The following ZNF639 variants were observed in gnomAD, a reference collection of about 807,000 sequenced individuals.
ZNF639 encodes the protein zinc finger protein 639.
A neutral mutation model predicts 39.8 loss-of-function variants in ZNF639; 20 were observed. The ratio of observed to expected loss-of-function variants is 0.50; its 90% confidence interval spans 0.35 to 0.73. The LOEUF is 0.73. ZNF639 is among the 30% of genes least tolerant of loss of function. The pLI, the probability that ZNF639 is intolerant of heterozygous loss-of-function variation, is 0.00. For missense variants in ZNF639, 477 were observed against 566.2 expected (o/e 0.84, Z 1.60); for synonymous variants, 176 against 189.8 (o/e 0.93, Z 0.60).
intron 1 of ZNF639, among the ~76,000 whole-genome samples, chr3:179,324,176 A>G (rs1727448807): frequency 6.6e-6 from 1 of 152,246 alleles, no homozygotes; most frequent in Non-Finnish European, 1.5e-5. Context: ...TACTGTAAAG[A>G]CGTCTTACAG....
chr3:179,326,887 C>T (rs1727623838), intron 1 of ZNF639, among the ~76,000 whole-genome samples: 1 of 151,692 alleles, frequency 6.6e-6, no homozygotes, highest in African/African-American at 2.4e-5. Context: ...AGGGCTGTAA[C>T]AGTTTAAAGT....
intron 1 of ZNF639, among the ~76,000 whole-genome samples, chr3:179,327,209 A>C (rs891785004): frequency 6.6e-6 from 1 of 152,046 alleles, no homozygotes. Context: ...AAAGTTTATA[A>C]TTTGGTTTGC....
chr3:179,323,341 G>C (rs567090756), intron 1 of ZNF639, 50 bp downstream of exon 1: 1 of 985,790 alleles, frequency 1.0e-6, no homozygotes, highest in African/African-American at 1.7e-5. Context: ...TGCTCCAGGG[G>C]ACGCGGGCGT....
intron 2 of ZNF639, chr3:179,328,079 CAG>C (rs1727697553): frequency 7.6e-6 from 3 of 392,268 alleles, no homozygotes; most frequent in South Asian, 8.4e-5. Context: ...AGAAAGAAAA[CAG>C]AAATCAGTTT....
rs565896438 is a variant in ZNF639, at chr3:179,323,095, G to A, written c.-279G>A. ...AGTGCGGCCGCGGAGCCTAGGCCAG[G>A]GGCCTGGCGCTCAGGGCGTGGGGCG... On this transcript the variant is annotated 5_prime_UTR_variant, in exon 1 of 6. Transcript: ENST00000496856. The A allele has an allele frequency of 1.8e-3, 1,810 of 984,880 alleles. 4 individuals carry two copies. The highest frequency in any genetic ancestry group is 2.1e-3 in the Non-Finnish European group (1,743 of 829,970). 61.0% of individuals were successfully genotyped at this position (984,880 alleles called of 1,614,324 possible).
intron 1 of ZNF639, 131 bp downstream of exon 1, chr3:179,323,422 T>C (rs1476070419): frequency 2.0e-6 from 2 of 978,024 alleles, no homozygotes; most frequent in East Asian, 2.3e-4. Context: ...TCTGCCTTCG[T>C]TATATGGCGG....
At chr3:179,333,148 T>C (rs922768116) in intron 5 of ZNF639, 25 bp downstream of exon 5, 1 of 1,576,526 alleles carries the variant, frequency 6.3e-7, no homozygotes, top group Admixed American at 2.0e-5. Context: ...TTTATAGCAT[T>C]GATATATTTT....
chr3:179,325,548 C>A (rs777896872), intron 1 of ZNF639, among the ~76,000 whole-genome samples: 1 of 152,108 alleles, frequency 6.6e-6, no homozygotes, highest in Non-Finnish European at 1.5e-5. Context: ...CTCCATGTAC[C>A]GCACAGGACC....
chr3:179,332,361 G>A (rs1198478021), intron 4 of ZNF639, among the ~76,000 whole-genome samples: 1 of 152,184 alleles, frequency 6.6e-6, no homozygotes, highest in Non-Finnish European at 1.5e-5. Context: ...GGTGGCTCAC[G>A]CCTGTAATCC....
At position 179,333,350 on chromosome 3, in the gene ZNF639, C is replaced by T. The variant is rs557469419; in HGVS notation, c.386C>T (p.Pro129Leu). The T allele has an allele frequency of 6.2e-7, 1 of 1,613,980 alleles. No homozygotes were observed. Among genetic ancestry groups the T allele is most frequent in the African/African-American group, 1.3e-5 (1 of 74,990 alleles). Residue 129 changes from proline to leucine, a missense_variant, in exon 6 of 6, where the codon CCT becomes CTT. By Grantham distance (98) the Pro-to-Leu change is moderately conservative. Coordinates refer to ENST00000496856, the MANE Select transcript of ZNF639 (RefSeq NM_001303426.2). Reference protein sequence around the residue: ...SVNQQTQEESPIEVHTAEDVP... With the variant: ...SVNQQTQEESLIEVHTAEDVP... ...AACCAGCAAACCCAAGAGGAGAGTC[C>T]TATAGAAGTTCACACTGCTGAAGAT...
At chr3:179,330,677 G>A (rs193083088) in intron 4 of ZNF639, among the ~76,000 whole-genome samples, 1 of 152,298 alleles carries the variant, frequency 6.6e-6, no homozygotes, top group Admixed American at 6.5e-5. Context: ...AATAGTGTTA[G>A]ACACAGTTCT....
intron 1 of ZNF639, among the ~76,000 whole-genome samples, chr3:179,324,607 T>C (rs1307602096): frequency 6.6e-6 from 1 of 152,246 alleles, no homozygotes; most frequent in Non-Finnish European, 1.5e-5. Flanking sequence ...GCATCACCAT[T>C]GTGCTGAAAG....
chr3:179,337,990 C>T lies in ZNF639; in HGVS notation c.*3568C>T, dbSNP rs1162122631. The T allele has an allele frequency of 3.3e-5, 5 of 152,058 alleles. No individual in the cohort carries two copies. Among genetic ancestry groups the T allele is most frequent in the African/African-American group, 4.8e-5 (2 of 41,384 alleles). The allele number at this position is 152,058 out of a possible 1,614,324, so 9.4% of individuals were successfully genotyped here. A position where few individuals can be genotyped will look rare whatever the true frequency, so the allele number is the denominator to read the frequency against. ...CCATCTTGGCCAGGCTGGTCTTGAA[C>T]TCCTGACCTTGTGATCCACCCACTT... On this transcript the variant is annotated 3_prime_UTR_variant, in exon 6 of 6. Coordinates refer to ENST00000496856, the MANE Select transcript of ZNF639 (RefSeq NM_001303426.2).
rs1245554924 is a variant in ZNF639 at position 179,323,398 on chromosome 3, C to T, written c.-83+107C>T. ...AGAGGGCGGGAGAGACCGGAGCTCCCTTTATACGGAAACTCTGCCTTCGTT... is the reference window on the plus strand; with the variant it reads ...AGAGGGCGGGAGAGACCGGAGCTCCTTTTATACGGAAACTCTGCCTTCGTT... On this transcript the variant is annotated intron_variant, in intron 1 of 5. Transcript: ENST00000496856. 6 of 985,042 alleles carry T rather than the reference C, an allele frequency of 6.1e-6. No homozygotes were observed. In the South Asian group the frequency reaches 2.3e-4, roughly 39 times the overall value. 61.0% of individuals were successfully genotyped at this position (985,042 alleles called of 1,614,324 possible). A position where few individuals can be genotyped will look rare whatever the true frequency, so the allele number is the denominator to read the frequency against.
At chr3:179,324,471 A>C (rs1215858475) in intron 1 of ZNF639, among the ~76,000 whole-genome samples, 1 of 152,230 alleles carries the variant, frequency 6.6e-6, no homozygotes, top group Non-Finnish European at 1.5e-5. Flanking sequence ...TAAGAAGACT[A>C]GTGAGCAAAT....
intron 4 of ZNF639, among the ~76,000 whole-genome samples, chr3:179,332,599 GC>G (rs1727977758): frequency 1.3e-5 from 2 of 152,208 alleles, no homozygotes; most frequent in Non-Finnish European, 2.9e-5. Context: ...TCCAGCCTTG[GC>G]AGACTGAGCA....
In ZNF639 at chr3:179,334,417, A is replaced by G; in HGVS notation, c.1453A>G (p.Thr485Ala). Reference protein sequence around the residue: ...LISHLPVHETT With the variant: ...LISHLPVHETA ...AAGTCACCTTCCAGTCCATGAGACA[A>G]CTTGATTATTCTCTTTAACTTACAG... The change falls in exon 6 of 6, where the codon ACT becomes GCT. Residue 485 changes from threonine (T) to alanine (A), a missense_variant. Thr to Ala is a moderately conservative substitution (Grantham distance 58, BLOSUM62 0). Coordinates refer to ENST00000496856, the MANE Select transcript of ZNF639 (RefSeq NM_001303426.2). 1.3e-6 allele frequency: 2 copies of G among 1,529,942 alleles called. No homozygotes were observed. The highest frequency in any genetic ancestry group is 1.3e-5 in the South Asian group (1 of 75,974). The allele number at this position is 1,529,942 out of a possible 1,614,324, so 94.8% of individuals were successfully genotyped here.
In ZNF639 at chr3:179,328,492, C is replaced by G. The variant is rs970893869; in HGVS notation, c.58+141C>G. 1.5e-5 allele frequency: 8 copies of G among 534,678 alleles called. No individual in the cohort carries two copies. In the Admixed American group the frequency reaches 3.0e-4, roughly 20 times the overall value. 33.1% of individuals were successfully genotyped at this position (534,678 alleles called of 1,614,324 possible). ...TAAAACAACGGTTTAAATACATTAT[C>G]TGAATATATATTCCTTATTGTCTAC... On this transcript the variant is annotated intron_variant, in intron 3 of 5. Transcript: ENST00000496856.
intron 3 of ZNF639, 24 bp downstream of exon 3, chr3:179,328,375 T>C (rs1483519302): frequency 6.6e-7 from 1 of 1,516,248 alleles, no homozygotes; most frequent in South Asian, 1.2e-5. Context: ...TATTTTAAAG[T>C]TGGGTATGGA....
Sources: allele counts gnomAD v4.1 joint callset (sites outside exome capture counted in the v4.1 genomes callset), GRCh38; gene constraint gnomAD v4.1.1; transcripts MANE v1.5; gene names NCBI Gene and HGNC (gene_info 2026-07-23, HGNC 2026-07-21).